The following SLC19A1 variants were observed in gnomAD, a reference collection of about 807,000 sequenced individuals.
SLC19A1 encodes the protein solute carrier family 19 member 1.
SLC19A1 carries 37 observed loss-of-function variants against 35.3 expected under a neutral mutation model. That is an observed-to-expected ratio of 1.05 (90% CI 0.81 to 1.38). SLC19A1 has a LOEUF of 1.38. SLC19A1 is among the 40% of genes most tolerant of loss of function. The pLI is 0.00. For synonymous variants in SLC19A1, 460 were observed against 398.5 expected (o/e 1.15, Z -1.84); for missense variants, 831 against 826.9 (o/e 1.00, Z -0.06).
chr21:45,525,078 C>T (rs1450009983), intron 5 of SLC19A1, among the ~76,000 whole-genome samples: 1 of 152,202 alleles, frequency 6.6e-6, no homozygotes, highest in African/African-American at 2.4e-5. Flanking sequence ...CTGCTATTGC[C>T]CGGGCCTTAC....
At chr21:45,545,756 C>G (rs2078408308), upstream of SLC19A1, among the ~76,000 whole-genome samples, 1 of 152,218 alleles carries the variant, frequency 6.6e-6, no homozygotes. Flanking sequence ...CTGCCATGCC[C>G]CAGCATGTGC....
chr21:45,554,716 G>C (rs2078524872), intron 1 of SLC19A1, among the ~76,000 whole-genome samples: 1 of 150,742 alleles, frequency 6.6e-6, no homozygotes, highest in African/African-American at 2.4e-5. Context: ...TGGACATTTG[G>C]ACATCTCCTT....
At chr21:45,552,027 G>A (rs1309938606) in intron 1 of SLC19A1, among the ~76,000 whole-genome samples, 3 of 152,122 alleles carry the variant, frequency 2.0e-5, no homozygotes, top group East Asian at 1.9e-4. Flanking sequence ...TTTCAGGTGC[G>A]TTCCTCAGAG....
rs1032339360 is a variant in SLC19A1, at chr21:45,517,989, C to G, written c.1294-1849G>C. ...ATGCTTGCATCTCACTAAAAAATCC[C>G]TTGGCACACTAAACCACAAAGATCT... On this transcript the variant is annotated intron_variant, in intron 5 of 5. Transcript: ENST00000311124. This position sits in a 1 kb window ranked among gnomAD's most constrained non-coding sequence, Gnocchi z 4.4. Among the ~76,000 whole-genome samples the G allele has an allele frequency of 2.0e-5, 3 of 152,314 alleles. No homozygotes were observed. Among genetic ancestry groups the G allele is most frequent in the South Asian group, 4.1e-4 (2 of 4,828 alleles).
chr21:45,547,118 A>C (rs183642761), upstream of SLC19A1, among the ~76,000 whole-genome samples: 1 of 152,374 alleles, frequency 6.6e-6, no homozygotes, highest in African/African-American at 2.4e-5. Flanking sequence ...AATTTGAAAA[A>C]CAGTATTTAC....
At chr21:45,547,527 C>G (rs1012501234), upstream of SLC19A1, among the ~76,000 whole-genome samples, 1 of 152,218 alleles carries the variant, frequency 6.6e-6, no homozygotes, top group Admixed American at 6.5e-5. Flanking sequence ...GAGACTTCAT[C>G]TGCTGCTAAA....
rs990137998 is a variant in SLC19A1, at chr21:45,534,427, G to T, written c.190-2279C>A. On this transcript the variant is annotated intron_variant, in intron 2 of 5. Coordinates refer to ENST00000311124, the MANE Select transcript of SLC19A1 (RefSeq NM_194255.4). The surrounding 1 kb of genome is among the most constrained non-coding windows in gnomAD (Gnocchi z 4.2). The stretch of plus-strand genomic sequence containing the variant: ...GCCCCAGCCCCTGGCCGGGGCACAG[G>T]TTCTGCCCACAGCCCAGAGTCAAAA... The T allele has an allele frequency of 1.0e-4, 92 of 876,778 alleles. No homozygotes were observed. Among genetic ancestry groups the T allele is most frequent in the Admixed American group, 1.3e-4 (6 of 44,680 alleles). The allele number at this position is 876,778 out of a possible 1,614,324, so 54.3% of individuals were successfully genotyped here.
At chr21:45,512,088 C>G (rs934416176), downstream of SLC19A1, 8 of 1,334,904 alleles carry the variant, frequency 6.0e-6, no homozygotes, top group Admixed American at 9.9e-5. Context: ...CTGGTAACCC[C>G]AGGGCTGGCC....
At chr21:45,537,087 T>A (rs1055852977) in intron 2 of SLC19A1, among the ~76,000 whole-genome samples, 6 of 152,136 alleles carry the variant, frequency 3.9e-5, no homozygotes, top group African/African-American at 1.4e-4. Context: ...AAATAGCCAC[T>A]AAGTCTCTGT....
intron 1 of SLC19A1, among the ~76,000 whole-genome samples, chr21:45,553,639 CTCCTAGTCCCCCCGCGCCCCCT>C (rs1236532356): frequency 4.2e-4 from 28 of 67,436 alleles, no homozygotes; most frequent in Non-Finnish European, 6.8e-4. Flanking sequence ...CCGCGCCCCC[CTCCTAGTCCCCCCGCGCCCCCT>C]TCCCAGTCCC....
At position 45,516,029 on chromosome 21, in the gene SLC19A1, C is replaced by A. The variant is rs560827689; in HGVS notation, c.1405G>T (p.Ala469Ser). 9.2e-5 allele frequency: 145 copies of A among 1,578,472 alleles called. No homozygotes were observed. The Middle Eastern group carries it at 1.0e-3, about 11-fold the overall frequency. Residue 469 changes from alanine to serine, a missense_variant, in exon 6 of 6, where the codon GCC (alanine) becomes TCC (serine). By Grantham distance (99) the Ala-to-Ser change is moderately conservative. Transcript: ENST00000311124. ...QRGHHPRQPP[A>S]QGLRSAAEEK... is the part of the protein sequence containing the mutation. ...TCCGCGGCACTCCTCAGGCCCTGGG[C>A]CGGGGGCTGCCGCGGGTGGTGGCCC...
At chr21:45,528,975 G>A (rs923279589) in intron 4 of SLC19A1, among the ~76,000 whole-genome samples, 10 of 152,248 alleles carry the variant, frequency 6.6e-5, no homozygotes, top group South Asian at 2.1e-4. Context: ...CCTTTCAGGC[G>A]TTGTCCCCCT....
At chr21:45,557,032 C>T (rs552412946) in intron 1 of SLC19A1, among the ~76,000 whole-genome samples, 3 of 152,290 alleles carry the variant, frequency 2.0e-5, no homozygotes, top group Middle Eastern at 3.4e-3. Flanking sequence ...CACCATGTAA[C>T]CTCCCCTGGG....
chr21:45,503,435 A>G (rs1420568318), intron 3 of SLC19A1, among the ~76,000 whole-genome samples: 1 of 152,074 alleles, frequency 6.6e-6, no homozygotes, highest in Non-Finnish European at 1.5e-5. Flanking sequence ...GCACATATAC[A>G]CCATGGAATA....
downstream of SLC19A1, among the ~76,000 whole-genome samples, chr21:45,508,771 G>C (rs1350860396): frequency 6.6e-6 from 1 of 152,228 alleles, no homozygotes; most frequent in South Asian, 2.1e-4. Context: ...CCTGTGTGCC[G>C]GGTGGCCATG....
intron 1 of SLC19A1, among the ~76,000 whole-genome samples, chr21:45,539,458 G>C (rs543487565): frequency 1.3e-5 from 2 of 152,368 alleles, no homozygotes; most frequent in Non-Finnish European, 2.9e-5. Flanking sequence ...GTCTGCAGAG[G>C]GTCTGGATTT....
At position 45,531,656 on chromosome 21, in the gene SLC19A1, C is replaced by A; in HGVS notation, c.682G>T (p.Glu228Ter). ...CCGCCTGGGCCAGGATTCATGCGCT[C>A]CAGCTCCGAAGCCGAGGTTTCGCAC... ...GRCETSASEL[E>*]RMNPGPGGKL... Residue 228 changes from glutamate to a stop codon, truncating the protein, a stop_gained, in exon 3 of 6, where the codon GAG (glutamate) becomes TAG (stop). Coordinates refer to ENST00000311124, the MANE Select transcript of SLC19A1 (RefSeq NM_194255.4). LOFTEE classifies it high-confidence loss of function. 6.2e-7 allele frequency: 1 copy of A among 1,612,378 alleles called. No individual in the cohort carries two copies. Among genetic ancestry groups the A allele is most frequent in the Non-Finnish European group, 8.5e-7 (1 of 1,179,810 alleles).
In SLC19A1 at chr21:45,531,554, G is replaced by T. The variant is rs9282853; in HGVS notation, c.784C>A (p.Leu262Met). 25 of 1,612,308 alleles carry T rather than the reference G, an allele frequency of 1.6e-5. No homozygotes were observed. Among genetic ancestry groups the T allele is most frequent in the Non-Finnish European group, 2.0e-5 (24 of 1,179,702 alleles). ...CACAGGCGCAGCTGCGGCCGCCGCA[G>T]GCTGTCCCCCAGCTCCCGCAGCATC... ...ARMLRELGDS[L>M]RRPQLRLWSL... is the part of the protein sequence containing the mutation. The change falls in exon 3 of 6, where the codon CTG (leucine) becomes ATG (methionine). Residue 262 changes from leucine to methionine, a missense_variant. By Grantham distance (15) the Leu-to-Met change is conservative (BLOSUM62 2). Transcript: ENST00000311124.
Position 45,515,760 on chromosome 21 carries a change from A to G in SLC19A1, c.1674T>C (p.Ala558=). The change falls in exon 6 of 6, where the codon GCT becomes GCC. Residue 558 remains alanine (A), a synonymous_variant. Coordinates refer to ENST00000311124, the MANE Select transcript of SLC19A1 (RefSeq NM_194255.4). ...CCAGCTGGGGACAAGTCTCATCTGC[A>G]GCCTCAGGGCCTGAGGCTTGGGCGG... ...LCSAQASGPE[A]ADETCPQLAV... is the part of the protein sequence containing the mutation. The G allele has an allele frequency of 6.2e-7, 1 of 1,613,824 alleles. No homozygotes were observed. The highest frequency in any genetic ancestry group is 1.7e-5 in the Admixed American group (1 of 60,018).
Sources: gnomAD v4.1 joint callset for allele counts (sites outside exome capture counted in the v4.1 genomes callset) on GRCh38, gnomAD v4.1.1 for gene constraint, Gnocchi (gnomAD v3.1) non-coding constraint, MANE v1.5 for transcripts, NCBI Gene and HGNC (gene_info 2026-07-23, HGNC 2026-07-21) for gene names.